Variants in KTN1 observed in about 807,000 individuals in gnomAD.
The protein encoded by KTN1 is kinectin 1.
In KTN1, 130 loss-of-function variants were observed where a neutral mutation model predicts 222.5. The observed-to-expected ratio is 0.58, with a 90% CI of 0.51 to 0.68. The LOEUF (loss-of-function observed/expected upper bound fraction) is 0.68. KTN1 is among the 30% of genes least tolerant of loss of function. The pLI, the probability that KTN1 is intolerant of heterozygous loss-of-function variation, is 0.00. For synonymous variants in KTN1, 512 were observed against 496.3 expected, an observed-to-expected ratio of 1.03 and a Z score of -0.42; for missense variants, 1,508 against 1,500.4, an observed-to-expected ratio of 1.01 and a Z score of -0.08.
At chr14:55,636,645 T>C in intron 10 of KTN1, 109 bp downstream of exon 10, 1 of 676,646 alleles carries the variant, frequency 1.5e-6, no homozygotes, top group Non-Finnish European at 2.5e-6. Flanking sequence ...TATAGCTCAA[T>C]AAAAATAGCT....
intron 38 of KTN1, 25 bp downstream of exon 38, chr14:55,672,726 G>C (rs761391845): frequency 6.9e-6 from 10 of 1,453,540 alleles, no homozygotes; most frequent in Non-Finnish European, 8.7e-6. Flanking sequence ...TGTTTTACTT[G>C]TAACCTATGG....
At chr14:55,647,997 T>C in intron 19 of KTN1, 28 bp from the exon 20 acceptor site, 4 of 912,812 alleles carry the variant, frequency 4.4e-6, no homozygotes, top group Non-Finnish European at 6.5e-6. Context: ...AAATAGTTAA[T>C]ACATGTGTTA....
chr14:55,583,887 C>G (rs2140295349), intron 1 of KTN1, among the ~76,000 whole-genome samples: 2 of 152,254 alleles, frequency 1.3e-5, no homozygotes, highest in South Asian at 4.2e-4. Flanking sequence ...GGAGTCATCC[C>G]TGACTTATTT....
At chr14:55,659,302 T>G (rs1037704677) in intron 30 of KTN1, among the ~76,000 whole-genome samples, 37 of 150,934 alleles carry the variant, frequency 2.5e-4, no homozygotes, top group African/African-American at 9.0e-4. Context: ...TTGCTTTTGA[T>G]TTCTGTTTTT....
chr14:55,656,002 A>G, intron 28 of KTN1, 40 bp from the exon 29 acceptor site: 1 of 1,232,408 alleles, frequency 8.1e-7, no homozygotes, highest in Non-Finnish European at 1.2e-6. Context: ...TTCCTTTTTT[A>G]TGTACTTTAG....
chr14:55,597,667 G>A (rs1166869433), intron 1 of KTN1, among the ~76,000 whole-genome samples: 2 of 151,670 alleles, frequency 1.3e-5, no homozygotes, highest in Non-Finnish European at 2.9e-5. Context: ...CAGCCTGGCC[G>A]ACATGGTGAA....
At position 55,648,130 on chromosome 14, in the gene KTN1, A is replaced by G; in HGVS notation, c.2298+15A>G. The G allele has an allele frequency of 1.4e-6, 2 of 1,391,830 alleles. No individual in the cohort carries two copies. The highest frequency in any genetic ancestry group is 2.0e-6 in the Non-Finnish European group (2 of 1,008,584). 86.2% of individuals were successfully genotyped at this position (1,391,830 alleles called of 1,614,324 possible). The stretch of plus-strand genomic sequence containing the variant: ...AGGAGCTGAATGTAAAGCATTTTGT[A>G]GTTTTGTTTTCCTTGTGATTATTCA... On this transcript the variant is annotated intron_variant, in intron 20 of 43. Transcript: ENST00000395314.
At chr14:55,650,079 C>A (rs1487218267) in intron 22 of KTN1, among the ~76,000 whole-genome samples, 1 of 151,792 alleles carries the variant, frequency 6.6e-6, no homozygotes, top group Non-Finnish European at 1.5e-5. Flanking sequence ...CTGTATTCCT[C>A]AGGGTACAAA....
intron 5 of KTN1, among the ~76,000 whole-genome samples, chr14:55,619,743 G>A (rs1377956655): frequency 6.6e-6 from 1 of 152,012 alleles, no homozygotes; most frequent in Non-Finnish European, 1.5e-5. Context: ...GTCCCACCAG[G>A]TCCCTCCCAC....
At chr14:55,586,943 G>A (rs1185788399) in intron 1 of KTN1, among the ~76,000 whole-genome samples, 1 of 152,048 alleles carries the variant, frequency 6.6e-6, no homozygotes, top group Non-Finnish European at 1.5e-5. Flanking sequence ...CCTCGAAAAC[G>A]CCAACTCTGA....
rs2038630457 is a variant in KTN1 at position 55,618,001 on chromosome 14, T to C, written c.699T>C (p.Tyr233=). 13 of 1,609,882 alleles carry C rather than the reference T, an allele frequency of 8.1e-6. No homozygotes were observed. The highest frequency in any genetic ancestry group is 2.2e-5 in the East Asian group (1 of 44,680). Reference sequence around the variant, plus strand: ...AACCCCTTATTCATGCAACTACTTATATTCCTTTGATGGATAATGCTGACT... The same window carrying C: ...AACCCCTTATTCATGCAACTACTTACATTCCTTTGATGGATAATGCTGACT... ...VDEPLIHATT[Y]IPLMDNADSS... The change falls in exon 4 of 44, where the codon TAT becomes TAC. Residue 233 remains tyrosine, a synonymous_variant. Transcript: ENST00000395314.
chr14:55,683,441 G>A (rs776544142), intron 43 of KTN1: 1 of 151,932 alleles, frequency 6.6e-6, no homozygotes. Flanking sequence ...ACACATCTCC[G>A]AAAACAAGAC....
In KTN1 at chr14:55,583,331, G is replaced by A. The variant is rs539217437; in HGVS notation, c.-31+2977G>A. On this transcript the variant is annotated intron_variant, in intron 1 of 43. Transcript: ENST00000395314. ...ATTGGTTTTATGTAAAAGAAAATAG[G>A]CAAGATATACTTTTAATTCTAACAA... Among the ~76,000 whole-genome samples the A allele has an allele frequency of 2.6e-5, 4 of 152,150 alleles. No individual in the cohort carries two copies. In the South Asian group the frequency reaches 8.3e-4, roughly 32 times the overall value.
rs762775899 is a variant in KTN1, at chr14:55,659,722, TCA to T, written c.2999+22_2999+23del. On this transcript the variant is annotated intron_variant, in intron 31 of 43. Transcript: ENST00000395314. ...TAAAAGTGTAAGTAATAAGTTTGAG[TCA>T]CAGTTTATAAAGTCGTAACTATTTT... 7.2e-7 allele frequency: 1 copy of T among 1,381,992 alleles called. No individual in the cohort carries two copies. Among genetic ancestry groups the T allele is most frequent in the South Asian group, 1.2e-5 (1 of 85,396 alleles). The allele number at this position is 1,381,992 out of a possible 1,614,324, so 85.6% of individuals were successfully genotyped here.
intron 2 of KTN1, among the ~76,000 whole-genome samples, chr14:55,614,553 A>G (rs1057329257): frequency 6.6e-6 from 1 of 152,210 alleles, no homozygotes; most frequent in Non-Finnish European, 1.5e-5. Flanking sequence ...TATGCCCATG[A>G]ACCAAGAACA....
intron 31 of KTN1, 137 bp downstream of exon 31, chr14:55,659,840 G>C: frequency 1.7e-6 from 1 of 578,006 alleles, no homozygotes; most frequent in Non-Finnish European, 3.1e-6. Context: ...TTGAATTGCA[G>C]TTTAGAGTTG....
intron 1 of KTN1, among the ~76,000 whole-genome samples, chr14:55,603,255 A>G (rs963011600): frequency 2.6e-5 from 4 of 151,700 alleles, no homozygotes; most frequent in African/African-American, 9.7e-5. Flanking sequence ...TCCAAGTTCC[A>G]TCTTATTTCT....
intron 32 of KTN1, among the ~76,000 whole-genome samples, chr14:55,662,741 A>G (rs1025784086): frequency 6.6e-6 from 1 of 152,158 alleles, no homozygotes; most frequent in Non-Finnish European, 1.5e-5. Flanking sequence ...ACAAGTTGAC[A>G]TTTTCTTGTA....
At chr14:55,660,073 T>G (rs1193701224) in intron 31 of KTN1, among the ~76,000 whole-genome samples, 1 of 152,206 alleles carries the variant, frequency 6.6e-6, no homozygotes, top group Non-Finnish European at 1.5e-5. Flanking sequence ...AATTTTGTCT[T>G]AGCTTCATTT....
Sources: gnomAD v4.1 joint callset for allele counts (sites outside exome capture counted in the v4.1 genomes callset) on GRCh38, gnomAD v4.1.1 for gene constraint, MANE v1.5 for transcripts, NCBI Gene and HGNC (gene_info 2026-07-23, HGNC 2026-07-21) for gene names.